Variants in NOS1AP observed in about 807,000 individuals in gnomAD.
The protein encoded by NOS1AP is nitric oxide synthase 1 adaptor protein.
In NOS1AP, 21 loss-of-function variants were observed where a neutral mutation model predicts 56.2. The observed-to-expected ratio is 0.37, with a 90% CI of 0.26 to 0.54. NOS1AP has a LOEUF of 0.54. Ranked by LOEUF, NOS1AP falls within the 20% of genes least tolerant of loss-of-function variation. The probability of loss-of-function intolerance (pLI) is 0.84; values close to 1 mark genes in which losing one functional copy is unlikely to be tolerated. For missense variants in NOS1AP, 522 were observed against 657.8 expected (o/e 0.79, Z 2.26); for synonymous variants, 270 against 274.6 (o/e 0.98, Z 0.17).
chr1:162,121,222 G>C (rs1393387046), intron 1 of NOS1AP, among the ~76,000 whole-genome samples: 1 of 149,526 alleles, frequency 6.7e-6, no homozygotes, highest in East Asian at 2.0e-4. Context: ...CCAGGATCAA[G>C]TGTAGTGGCA....
chr1:162,128,541 T>C (rs1648595216), intron 1 of NOS1AP, among the ~76,000 whole-genome samples: 1 of 152,208 alleles, frequency 6.6e-6, no homozygotes, highest in Non-Finnish European at 1.5e-5. Flanking sequence ...ATATTGATAA[T>C]TTTCTTCATC....
intron 2 of NOS1AP, among the ~76,000 whole-genome samples, chr1:162,283,212 G>T (rs1424136080): frequency 2.0e-5 from 3 of 151,830 alleles, no homozygotes; most frequent in Admixed American, 2.0e-4. Context: ...AACATCCAGG[G>T]ATTCTTTAGG....
At chr1:162,216,740 T>G in intron 2 of NOS1AP, among the ~76,000 whole-genome samples, 1 of 152,356 alleles carries the variant, frequency 6.6e-6, no homozygotes, top group Non-Finnish European at 1.5e-5. Context: ...AAGAATGTTA[T>G]AAGAACACTG....
At chr1:162,225,163 G>A (rs1652900676) in intron 2 of NOS1AP, among the ~76,000 whole-genome samples, 1 of 152,196 alleles carries the variant, frequency 6.6e-6, no homozygotes, top group Non-Finnish European at 1.5e-5. Context: ...CCATGTCTGA[G>A]CAGAGTCCTC....
At chr1:162,123,673 C>T (rs1019558736) in intron 1 of NOS1AP, among the ~76,000 whole-genome samples, 7 of 152,024 alleles carry the variant, frequency 4.6e-5, no homozygotes, top group Non-Finnish European at 1.0e-4. Flanking sequence ...ATTTTGAAAT[C>T]GTTTCAAACA....
intron 2 of NOS1AP, among the ~76,000 whole-genome samples, chr1:162,247,342 A>T (rs1182814190): frequency 6.6e-6 from 1 of 152,120 alleles, no homozygotes; most frequent in East Asian, 1.9e-4. Flanking sequence ...TAAATAAGGA[A>T]CTTTTGCAGA....
rs1009997506 is a variant in NOS1AP, at chr1:162,343,857, G to A, written c.476G>A (p.Arg159Gln). ...KKKSQAMRIVRTVGQAFEVCH... is the reference protein window; with the variant it reads ...KKKSQAMRIVQTVGQAFEVCH... The stretch of plus-strand genomic sequence containing the variant: ...CAGAGCCAAGCTATGAGAATCGTTC[G>A]GACGGTGGGGCAGGCCTTTGAGGTC... The change falls in exon 6 of 10, where the codon CGG becomes CAG. Residue 159 changes from arginine (R) to glutamine (Q), a missense_variant. Arg to Gln is a conservative substitution (Grantham distance 43). This residue lies in a region of NOS1AP where 132 missense variants were observed against 218.1 expected (regional missense o/e 0.61). Coordinates refer to ENST00000361897, the MANE Select transcript of NOS1AP (RefSeq NM_014697.3). 8 of 1,613,978 alleles carry A rather than the reference G, an allele frequency of 5.0e-6. No homozygotes were observed. Among genetic ancestry groups the A allele is most frequent in the Non-Finnish European group, 6.8e-6 (8 of 1,180,020 alleles).
intron 6 of NOS1AP, among the ~76,000 whole-genome samples, chr1:162,351,235 T>C (rs1657484925): frequency 6.6e-6 from 1 of 152,202 alleles, no homozygotes; most frequent in African/African-American, 2.4e-5. Context: ...CTAAGTGCTG[T>C]TTAAGTTTAA....
chr1:162,348,296 C>T lies in NOS1AP; in HGVS notation c.595+4320C>T, dbSNP rs570024657. Among the ~76,000 whole-genome samples the T allele has an allele frequency of 2.6e-5, 4 of 152,268 alleles. No individual in the cohort carries two copies. The East Asian group carries it at 7.7e-4, about 29-fold the overall frequency. On this transcript the variant is annotated intron_variant, in intron 6 of 9. Coordinates refer to ENST00000361897, the MANE Select transcript of NOS1AP (RefSeq NM_014697.3). The stretch of plus-strand genomic sequence containing the variant: ...AGCCCCTTTTGATGAGGAATGATGA[C>T]ACTTGGTGTCAGGGGAGCAGGTAGA...
intron 1 of NOS1AP, among the ~76,000 whole-genome samples, chr1:162,133,049 C>T (rs1346672282): frequency 6.6e-6 from 1 of 152,172 alleles, no homozygotes; most frequent in African/African-American, 2.4e-5. Context: ...TGGAATATTG[C>T]AATATCACGT....
chr1:162,319,711 C>G (rs1656351340), intron 4 of NOS1AP, among the ~76,000 whole-genome samples: 2 of 152,092 alleles, frequency 1.3e-5, no homozygotes, highest in South Asian at 2.1e-4. Context: ...TAGACCTGTC[C>G]TGAGAGCTCC....
intron 2 of NOS1AP, among the ~76,000 whole-genome samples, chr1:162,263,976 T>C (rs74649266): frequency 1.6e-4 from 25 of 152,350 alleles, no homozygotes; most frequent in African/African-American, 6.0e-4. Context: ...AAACTAGGTC[T>C]TGAATCCAAC....
At chr1:162,353,548 A>G (rs1402941964) in intron 6 of NOS1AP, among the ~76,000 whole-genome samples, 1 of 152,138 alleles carries the variant, frequency 6.6e-6, no homozygotes, top group African/African-American at 2.4e-5. Context: ...TCACTACATT[A>G]CTTACTTTGT....
chr1:162,366,160 G>A (rs1393341158), intron 9 of NOS1AP, among the ~76,000 whole-genome samples: 1 of 152,170 alleles, frequency 6.6e-6, no homozygotes, highest in Non-Finnish European at 1.5e-5. Context: ...CCTGGGCTGG[G>A]CTGGGCAGCT....
At chr1:162,098,252 G>T (rs11580365) in intron 1 of NOS1AP, among the ~76,000 whole-genome samples, 76,803 of 146,364 alleles carry the variant, frequency 0.52, 21,627 homozygotes, top group Non-Finnish European at 0.64. Context: ...GACCACAGGC[G>T]TGCACCACCA....
rs191513815 is a variant in NOS1AP at position 162,153,094 on chromosome 1, A to T, written c.106-1311A>T. Among the ~76,000 whole-genome samples the T allele has an allele frequency of 2.0e-5, 3 of 152,234 alleles. No individual in the cohort carries two copies. The East Asian group carries it at 5.8e-4, about 29-fold the overall frequency. ...TTGGGTGGTCCTATTTTCTTGTTTC[A>T]TTCTTATAAGCAATGATATCTAGAG... On this transcript the variant is annotated intron_variant, in intron 1 of 9. Transcript: ENST00000361897.
intron 1 of NOS1AP, among the ~76,000 whole-genome samples, chr1:162,096,534 CTTGAT>C (rs1238331949): frequency 6.6e-6 from 1 of 152,114 alleles, no homozygotes; most frequent in Non-Finnish European, 1.5e-5. Flanking sequence ...GATACTCCTC[CTTGAT>C]TTAATTCTCC....
At chr1:162,093,054 G>A (rs554374773) in intron 1 of NOS1AP, among the ~76,000 whole-genome samples, 16 of 152,100 alleles carry the variant, frequency 1.1e-4, no homozygotes, top group African/African-American at 3.4e-4. Flanking sequence ...TACAGGTAGG[G>A]AAGTTAAGTC....
intron 4 of NOS1AP, among the ~76,000 whole-genome samples, chr1:162,309,059 CTG>C (rs1047132835): frequency 6.6e-6 from 1 of 152,202 alleles, no homozygotes; most frequent in African/African-American, 2.4e-5. Context: ...CTTGCATACT[CTG>C]TTTTTGTTAT....
Sources: allele counts gnomAD v4.1 joint callset (sites outside exome capture counted in the v4.1 genomes callset), GRCh38; gene constraint gnomAD v4.1.1; regional missense constraint gnomAD v4.1.1; transcripts MANE v1.5; gene names NCBI Gene and HGNC (gene_info 2026-07-23, HGNC 2026-07-21).